The following SMARCA2 variants were observed in gnomAD, a reference collection of about 807,000 sequenced individuals.
The protein encoded by SMARCA2 is SWI/SNF related BAF chromatin remodeling complex subunit ATPase 2, also known as SWI/SNF-related matrix-associated actin-dependent regulator of chromatin subfamily A member 2.
SMARCA2 carries 61 observed loss-of-function variants against 199.8 expected under a neutral mutation model. That is an observed-to-expected ratio of 0.31 (90% confidence interval 0.25 to 0.38). The LOEUF is 0.38. SMARCA2 is among the 10% of genes least tolerant of loss of function. The pLI is 1.00. For missense variants in SMARCA2, 1,344 were observed against 2,012.2 expected, an observed-to-expected ratio of 0.67 and a Z score of 6.35; for synonymous variants, 935 against 732.0, an observed-to-expected ratio of 1.28 and a Z score of -4.48.
rs1821582174 is a variant in SMARCA2, at chr9:2,081,937, A to G, written c.2290A>G (p.Thr764Ala). ...GKTIQTIALITYLMEHKRLNG... is the reference protein window; with the variant it reads ...GKTIQTIALIAYLMEHKRLNG... ...GACCATACAGACCATTGCACTCATCACTTATCTGATGGAGCACAAAAGACT... is the reference window on the plus strand; with the variant it reads ...GACCATACAGACCATTGCACTCATCGCTTATCTGATGGAGCACAAAAGACT... The change falls in exon 15 of 34, where the codon ACT becomes GCT. Residue 764 changes from threonine (T) to alanine (A), a missense_variant. Thr to Ala is a moderately conservative substitution (Grantham distance 58, BLOSUM62 0). Around this residue, in one of 18 missense-constraint regions of SMARCA2, gnomAD observed 50 missense variants for 81.6 expected, o/e 0.61. Transcript: ENST00000349721. The G allele has an allele frequency of 6.2e-7, 1 of 1,613,952 alleles. No homozygotes were observed. Among genetic ancestry groups the G allele is most frequent in the Non-Finnish European group, 8.5e-7 (1 of 1,179,854 alleles).
At chr9:2,099,052 G>T (rs1042532524) in intron 21 of SMARCA2, among the ~76,000 whole-genome samples, 3 of 152,146 alleles carry the variant, frequency 2.0e-5, no homozygotes, top group African/African-American at 7.2e-5. Context: ...CTGTGAACTG[G>T]GGTAAGTCAC....
At position 2,149,545 on chromosome 9, in the gene SMARCA2, C is replaced by T. The variant is rs377244146; in HGVS notation, c.3982-12141C>T. ...AAAACAACAACGAAAAAGGAAACCT[C>T]TTATAAAACTATCAAATCTTGTAAG... On this transcript the variant is annotated intron_variant, in intron 27 of 33. Coordinates refer to ENST00000349721, the MANE Select transcript of SMARCA2 (RefSeq NM_003070.5). 6.6e-5 allele frequency among the ~76,000 whole-genome samples: 10 copies of T among 151,472 alleles called. No homozygotes were observed. In the East Asian group the frequency reaches 1.7e-3, roughly 26 times the overall value.
Position 2,116,064 on chromosome 9 carries a change from C to T in SMARCA2, c.3684+15C>T. On this transcript the variant is annotated intron_variant, in intron 25 of 33. Coordinates refer to ENST00000349721, the MANE Select transcript of SMARCA2 (RefSeq NM_003070.5). ...AGGAAAATGAGGTATTAGAGAAAAC[C>T]CCAAGTTTATGAAATCAAACAGTGG... The T allele has an allele frequency of 1.3e-6, 2 of 1,577,628 alleles. No individual in the cohort carries two copies. Among genetic ancestry groups the T allele is most frequent in the Non-Finnish European group, 1.7e-6 (2 of 1,148,278 alleles).
intron 6 of SMARCA2, among the ~76,000 whole-genome samples, chr9:2,055,963 T>C (rs1820334746): frequency 6.6e-6 from 1 of 152,052 alleles, no homozygotes; most frequent in Non-Finnish European, 1.5e-5. Context: ...AGCTTCCTAA[T>C]TAAATTAACT....
chr9:2,170,365 CG>C lies in SMARCA2; in HGVS notation c.4200-50del. 1 of 1,610,212 alleles carries C rather than the reference CG, an allele frequency of 6.2e-7. No homozygotes were observed. The highest frequency in any genetic ancestry group is 1.7e-5 in the Admixed American group (1 of 59,802). ...CCCAGCCTAGGAAGAAGGAGCCGGG[CG>C]GGGACGAGAACCCAGGTCTTCTGAC... On this transcript the variant is annotated intron_variant, in intron 28 of 33. Transcript: ENST00000349721. This position sits in a 1 kb window ranked among gnomAD's most constrained non-coding sequence, Gnocchi z 4.7.
rs187302674 is a variant in SMARCA2 at position 2,151,175 on chromosome 9, G to C, written c.3982-10511G>C. Among the ~76,000 whole-genome samples the C allele has an allele frequency of 2.0e-5, 3 of 151,546 alleles. No homozygotes were observed. The East Asian group carries it at 5.8e-4, about 29-fold the overall frequency. On this transcript the variant is annotated intron_variant, in intron 27 of 33. Coordinates refer to ENST00000349721, the MANE Select transcript of SMARCA2 (RefSeq NM_003070.5). ...TAATCATATCACTTCTCAGAATCTG[G>C]TGGTGATTTGTTAGCGAGCGTCTGT...
At chr9:2,041,573 T>G in intron 4 of SMARCA2, 1 of 395,436 alleles carries the variant, frequency 2.5e-6, no homozygotes, top group Non-Finnish European at 4.5e-6. Flanking sequence ...AATTAGGATT[T>G]TAACATATGA....
intron 13 of SMARCA2, among the ~76,000 whole-genome samples, chr9:2,077,063 G>T (rs1187794371): frequency 6.6e-6 from 1 of 152,098 alleles, no homozygotes; most frequent in Admixed American, 6.5e-5. Context: ...ATCCTTCACT[G>T]AAGGTGTTAA....
intron 27 of SMARCA2, among the ~76,000 whole-genome samples, chr9:2,155,844 C>T (rs577631001): frequency 7.2e-6 from 1 of 139,702 alleles, no homozygotes; most frequent in African/African-American, 2.6e-5. Flanking sequence ...ATTTTCTTCC[C>T]CTTTATGGTC....
chr9:2,122,050 T>C (rs1456184284), intron 26 of SMARCA2, among the ~76,000 whole-genome samples: 1 of 152,226 alleles, frequency 6.6e-6, no homozygotes, highest in Non-Finnish European at 1.5e-5. Context: ...TAGAAATCTC[T>C]AGGGAGAGAT....
rs147531545 is a variant in SMARCA2 at position 2,178,278 on chromosome 9, C to T, written c.4254-3293C>T. 6.2e-3 allele frequency among the ~76,000 whole-genome samples: 951 copies of T among 152,220 alleles called. 5 individuals are homozygous for T. Among genetic ancestry groups the T allele is most frequent in the African/African-American group, 0.021 (880 of 41,520 alleles). On this transcript the variant is annotated intron_variant, in intron 29 of 33. Transcript: ENST00000349721. ...ACTTGTATTTCAAGTTGTACCCCTCCCCCACTTACCCCATGTCTCATCAGA... is the reference window on the plus strand; with the variant it reads ...ACTTGTATTTCAAGTTGTACCCCTCTCCCACTTACCCCATGTCTCATCAGA...
Position 2,169,045 on chromosome 9 carries a change from C to A in SMARCA2, c.4200-1374C>A, listed in dbSNP as rs1406443495. 6.6e-6 allele frequency among the ~76,000 whole-genome samples: 1 copy of A among 152,180 alleles called. No individual in the cohort carries two copies. Among genetic ancestry groups the A allele is most frequent in the African/African-American group, 2.4e-5 (1 of 41,440 alleles). ...AGCTTCTGTGTCTCCTTGGTCAGCA[C>A]CATCATTAGCCCAAGGTCCTAAAAG... On this transcript the variant is annotated intron_variant, in intron 28 of 33. Coordinates refer to ENST00000349721, the MANE Select transcript of SMARCA2 (RefSeq NM_003070.5). The surrounding 1 kb of genome is among the most constrained non-coding windows in gnomAD (Gnocchi z 6.5).
intron 19 of SMARCA2, among the ~76,000 whole-genome samples, chr9:2,092,207 G>C (rs552992737): frequency 4.9e-4 from 75 of 152,208 alleles, no homozygotes; most frequent in Non-Finnish European, 2.9e-5. Flanking sequence ...GCAATTGGCT[G>C]GGTATTTCTT....
intron 4 of SMARCA2, chr9:2,043,495 A>T (rs530221974): frequency 6.6e-6 from 1 of 152,184 alleles, no homozygotes; most frequent in Non-Finnish European, 1.5e-5. Context: ...GAACTGAAAA[A>T]ATTTGGGGTT....
intron 32 of SMARCA2, 85 bp from the exon 33 acceptor site, chr9:2,191,181 T>G: frequency 1.5e-6 from 2 of 1,297,362 alleles, no homozygotes; most frequent in Non-Finnish European, 2.2e-6. Context: ...TTGTGTTGTC[T>G]GTAGGTTGGT....
intron 27 of SMARCA2, chr9:2,158,464 AAATCTAG>A (rs1825490049): frequency 6.5e-6 from 1 of 153,920 alleles, no homozygotes; most frequent in South Asian, 2.1e-4. Context: ...TCACTTCATT[AAATCTAG>A]AGGCAGTTGA....
intron 27 of SMARCA2, among the ~76,000 whole-genome samples, chr9:2,135,798 C>G (rs1824168420): frequency 6.6e-6 from 1 of 152,134 alleles, no homozygotes; most frequent in Non-Finnish European, 1.5e-5. Context: ...CTGCCTTGGC[C>G]TCCCAAAGTG....
In SMARCA2 at chr9:2,186,150, A is replaced by G; in HGVS notation, c.4516A>G (p.Ile1506Val). ...QSVFKSARQK[I>V]AKEEESEDES... ...AGTGTTTAAGAGTGCCCGGCAGAAA[A>G]TTGCCAAAGAGGAAGAGAGTGAGGA... The change falls in exon 32 of 34, where the codon ATT (isoleucine) becomes GTT (valine). Residue 1506 changes from isoleucine to valine, a missense_variant. Coordinates refer to ENST00000349721, the MANE Select transcript of SMARCA2 (RefSeq NM_003070.5). 1 of 1,614,072 alleles carries G rather than the reference A, an allele frequency of 6.2e-7. No individual in the cohort carries two copies. Among genetic ancestry groups the G allele is most frequent in the Non-Finnish European group, 8.5e-7 (1 of 1,179,932 alleles).
chr9:2,066,190 C>T (rs1054820371), intron 9 of SMARCA2, among the ~76,000 whole-genome samples: 14 of 152,180 alleles, frequency 9.2e-5, no homozygotes, highest in Admixed American at 5.2e-4. Flanking sequence ...ATTATAATAA[C>T]ACCCACTGGG....
Sources: allele counts gnomAD v4.1 joint callset (sites outside exome capture counted in the v4.1 genomes callset), GRCh38; gene constraint gnomAD v4.1.1; regional missense constraint gnomAD v4.1.1; non-coding constraint Gnocchi (gnomAD v3.1); transcripts MANE v1.5; gene names NCBI Gene and HGNC (gene_info 2026-07-23, HGNC 2026-07-21).